The following RIT2 variants were observed in gnomAD, a reference collection of about 807,000 sequenced individuals.
RIT2 encodes the protein GTP-binding protein Rit2.
In RIT2, 24 loss-of-function variants were observed where a neutral mutation model predicts 23.7. That is an observed-to-expected ratio of 1.01 (90% confidence interval 0.73 to 1.43). RIT2 has a LOEUF of 1.43. Ranked by LOEUF, RIT2 falls within the 40% of genes most tolerant of loss-of-function variation. The probability of loss-of-function intolerance (pLI) is 0.00; values close to 1 mark genes in which losing one functional copy is unlikely to be tolerated. For synonymous variants in RIT2, 107 were observed against 91.1 expected (o/e 1.17, Z -0.99); for missense variants, 236 against 266.9 (o/e 0.88, Z 0.81).
intron 4 of RIT2, among the ~76,000 whole-genome samples, chr18:42,815,258 A>G (rs1367600707): frequency 6.6e-6 from 1 of 152,182 alleles, no homozygotes; most frequent in African/African-American, 2.4e-5. Context: ...AATGAAACAG[A>G]TAGCATCAAT....
At chr18:42,972,358 A>G (rs1476245305) in intron 3 of RIT2, among the ~76,000 whole-genome samples, 4 of 152,002 alleles carry the variant, frequency 2.6e-5, no homozygotes, top group African/African-American at 4.8e-5. Context: ...TAGTCTTCAA[A>G]TAACTCATAA....
chr18:42,968,411 T>C (rs1030962998), intron 3 of RIT2, among the ~76,000 whole-genome samples: 1 of 152,194 alleles, frequency 6.6e-6, no homozygotes, highest in Non-Finnish European at 1.5e-5. Flanking sequence ...CTATTTGCAG[T>C]AATGTTAATA....
At chr18:43,073,583 C>A (rs1912945527) in intron 1 of RIT2, among the ~76,000 whole-genome samples, 1 of 152,114 alleles carries the variant, frequency 6.6e-6, no homozygotes, top group African/African-American at 2.4e-5. Flanking sequence ...ATTATCTAAG[C>A]CTTTAAATTA....
At chr18:42,864,872 A>C (rs745603792) in intron 4 of RIT2, among the ~76,000 whole-genome samples, 2 of 152,134 alleles carry the variant, frequency 1.3e-5, no homozygotes, top group Non-Finnish European at 2.9e-5. Context: ...CCAGCTCACC[A>C]TGTGCCCACA....
At chr18:43,029,602 A>G (rs1911808465) in intron 2 of RIT2, among the ~76,000 whole-genome samples, 1 of 152,030 alleles carries the variant, frequency 6.6e-6, no homozygotes. Flanking sequence ...ACAAGGAGAT[A>G]TGATCAGCTC....
chr18:42,814,613 C>A (rs1207121826), intron 4 of RIT2, among the ~76,000 whole-genome samples: 1 of 152,186 alleles, frequency 6.6e-6, no homozygotes, highest in East Asian at 1.9e-4. Flanking sequence ...CTGCCCTCAT[C>A]TGTTGGTCCT....
intron 4 of RIT2, among the ~76,000 whole-genome samples, chr18:42,878,166 C>T (rs1907793565): frequency 6.6e-6 from 1 of 151,112 alleles, no homozygotes; most frequent in Non-Finnish European, 1.5e-5. Context: ...GGTTGGGGCA[C>T]TGACCTCCTG....
intron 3 of RIT2, among the ~76,000 whole-genome samples, chr18:42,958,786 G>A (rs1274560229): frequency 6.6e-6 from 1 of 152,062 alleles, no homozygotes; most frequent in African/African-American, 2.4e-5. Flanking sequence ...TCCTTTGCCT[G>A]AAATTCTGTA....
chr18:42,968,676 T>G (rs1231280209), intron 3 of RIT2, among the ~76,000 whole-genome samples: 2 of 152,218 alleles, frequency 1.3e-5, no homozygotes, highest in African/African-American at 4.8e-5. Context: ...TTCTTTTAAC[T>G]TTTCCTCATA....
At chr18:42,961,850 G>A (rs1454336713) in intron 3 of RIT2, among the ~76,000 whole-genome samples, 1 of 152,186 alleles carries the variant, frequency 6.6e-6, no homozygotes, top group South Asian at 2.1e-4. Flanking sequence ...ACCTCCCAAA[G>A]TGGTATTCTC....
intron 4 of RIT2, among the ~76,000 whole-genome samples, chr18:42,781,273 CA>C (rs1284550345): frequency 6.6e-6 from 1 of 152,078 alleles, no homozygotes; most frequent in Non-Finnish European, 1.5e-5. Flanking sequence ...TCTACAAGAT[CA>C]AATATCTGTC....
chr18:42,840,552 G>C (rs1438823161), intron 4 of RIT2, among the ~76,000 whole-genome samples: 1 of 148,200 alleles, frequency 6.7e-6, no homozygotes. Flanking sequence ...GCCCAAGCTG[G>C]AGTGCAATGC....
intron 1 of RIT2, among the ~76,000 whole-genome samples, chr18:43,074,840 G>A (rs1912974977): frequency 6.6e-6 from 1 of 152,202 alleles, no homozygotes; most frequent in Non-Finnish European, 1.5e-5. Flanking sequence ...AGCAGGAGCT[G>A]AACGATGAGA....
intron 2 of RIT2, among the ~76,000 whole-genome samples, chr18:43,024,978 C>T (rs1911679541): frequency 6.6e-6 from 1 of 151,908 alleles, no homozygotes; most frequent in Non-Finnish European, 1.5e-5. Context: ...GAGGCCAAGG[C>T]AGACAGATCA....
intron 4 of RIT2, among the ~76,000 whole-genome samples, chr18:42,919,833 G>A (rs939656523): frequency 6.6e-6 from 1 of 152,054 alleles, no homozygotes; most frequent in African/African-American, 2.4e-5. Flanking sequence ...CAGGGTTTTG[G>A]AAAAAGAGAA....
At chr18:42,905,836 T>C (rs1427516796) in intron 4 of RIT2, among the ~76,000 whole-genome samples, 1 of 150,182 alleles carries the variant, frequency 6.7e-6, no homozygotes, top group Non-Finnish European at 1.5e-5. Context: ...AGGATGTCGA[T>C]AAAACTGATG....
intron 4 of RIT2, among the ~76,000 whole-genome samples, chr18:42,837,053 A>C (rs960520436): frequency 2.6e-5 from 4 of 151,010 alleles, no homozygotes; most frequent in Admixed American, 2.6e-4. Flanking sequence ...GCACACCCAC[A>C]TCACATCAAG....
At chr18:43,023,542 A>G (rs1440810635) in intron 2 of RIT2, among the ~76,000 whole-genome samples, 1 of 152,112 alleles carries the variant, frequency 6.6e-6, no homozygotes, top group Non-Finnish European at 1.5e-5. Context: ...ATTTCACATA[A>G]AAATCATGGA....
chr18:43,013,230 T>C (rs1183326177), intron 2 of RIT2, among the ~76,000 whole-genome samples: 1 of 151,908 alleles, frequency 6.6e-6, no homozygotes, highest in African/African-American at 2.4e-5. Flanking sequence ...TCTGGCACTT[T>C]TGTTTAAAAA....
Sources: allele counts gnomAD v4.1 joint callset (sites outside exome capture counted in the v4.1 genomes callset), GRCh38; gene constraint gnomAD v4.1.1; transcripts MANE v1.5; gene names NCBI Gene and HGNC (gene_info 2026-07-23, HGNC 2026-07-21).